Variants in RPRD1B observed in about 807,000 individuals in gnomAD.
RPRD1B encodes regulation of nuclear pre-mRNA domain containing 1B.
In RPRD1B, 11 loss-of-function variants were observed where a neutral mutation model predicts 41.5. That is an observed-to-expected ratio of 0.27 (90% CI 0.17 to 0.44). RPRD1B has a LOEUF of 0.44. RPRD1B is among the 20% of genes least tolerant of loss of function. RPRD1B has a pLI of 1.00. For missense variants in RPRD1B, 248 were observed against 389.9 expected (o/e 0.64, Z 3.06); for synonymous variants, 158 against 155.6 (o/e 1.02, Z -0.12).
At chr20:38,038,699 T>C (rs1472892448) in intron 1 of RPRD1B, among the ~76,000 whole-genome samples, 1 of 152,146 alleles carries the variant, frequency 6.6e-6, no homozygotes, top group African/African-American at 2.4e-5. Context: ...GGTTTCACCA[T>C]GTTAGCCAGG....
chr20:38,071,966 G>A (rs1281986837), intron 6 of RPRD1B, among the ~76,000 whole-genome samples: 1 of 151,926 alleles, frequency 6.6e-6, no homozygotes, highest in Non-Finnish European at 1.5e-5. Flanking sequence ...CCTATAAGTT[G>A]TCTTTTCACT....
chr20:38,082,092 CCTT>C (rs956664234), intron 6 of RPRD1B, among the ~76,000 whole-genome samples: 23 of 152,282 alleles, frequency 1.5e-4, no homozygotes, highest in African/African-American at 5.1e-4. Context: ...AGGACTCCCT[CCTT>C]CTTGATTTTT....
At chr20:38,036,598 G>A (rs1275215502) in intron 1 of RPRD1B, among the ~76,000 whole-genome samples, 1 of 152,180 alleles carries the variant, frequency 6.6e-6, no homozygotes, top group African/African-American at 2.4e-5. Context: ...TTTAAAAATA[G>A]GAATTAAATC....
At chr20:38,039,344 T>A (rs2074038838) in intron 1 of RPRD1B, among the ~76,000 whole-genome samples, 1 of 152,226 alleles carries the variant, frequency 6.6e-6, no homozygotes, top group Admixed American at 6.5e-5. Flanking sequence ...TCTTCTATAT[T>A]ATTGATTATG....
At chr20:38,071,542 G>GT (rs1163793202) in intron 6 of RPRD1B, among the ~76,000 whole-genome samples, 3 of 152,236 alleles carry the variant, frequency 2.0e-5, no homozygotes, top group African/African-American at 7.2e-5. Flanking sequence ...ATTTCTCTTG[G>GT]TTATGTATAA....
chr20:38,034,369 T>G (rs1489834697), intron 1 of RPRD1B, among the ~76,000 whole-genome samples: 1 of 152,170 alleles, frequency 6.6e-6, no homozygotes, highest in African/African-American at 2.4e-5. Flanking sequence ...CCCCTGACAT[T>G]TGTGGCTGTT....
intron 6 of RPRD1B, among the ~76,000 whole-genome samples, chr20:38,084,316 G>A (rs978201989): frequency 6.6e-6 from 1 of 152,086 alleles, no homozygotes; most frequent in Admixed American, 6.5e-5. Flanking sequence ...CTCTTAATTG[G>A]GGGTAGCCGA....
At chr20:38,085,753 C>T (rs2074555152) in intron 6 of RPRD1B, 1 of 152,774 alleles carries the variant, frequency 6.5e-6, no homozygotes, top group South Asian at 2.1e-4. Flanking sequence ...GTCTGCAAGA[C>T]CCAACTGAGA....
At chr20:38,075,905 T>C (rs1319566772) in intron 6 of RPRD1B, among the ~76,000 whole-genome samples, 1 of 152,234 alleles carries the variant, frequency 6.6e-6, no homozygotes, top group Non-Finnish European at 1.5e-5. Context: ...AGGTCCTTTA[T>C]CTTTAAACAT....
chr20:38,040,424 C>CT lies in RPRD1B; in HGVS notation c.152-4dup. On this transcript the variant is annotated splice_polypyrimidine_tract_variant and intron_variant, in intron 1 of 6. Coordinates refer to ENST00000373433, the MANE Select transcript of RPRD1B (RefSeq NM_021215.4). ...GGTGTAAGTTAAATTCTTTTCTTTT[C>CT]TTTTTTTCAGCCAAATCAAATAGAA... The CT allele has an allele frequency of 1.3e-6, 2 of 1,572,360 alleles. No homozygotes were observed. Among genetic ancestry groups the CT allele is most frequent in the East Asian group, 2.3e-5 (1 of 44,118 alleles).
intron 6 of RPRD1B, chr20:38,083,972 G>A (rs2074538006): frequency 6.6e-6 from 1 of 152,098 alleles, no homozygotes; most frequent in Non-Finnish European, 1.5e-5. Context: ...GATCTTTGAA[G>A]AAAATTTTAA....
chr20:38,047,181 T>G (rs938619152), intron 2 of RPRD1B, among the ~76,000 whole-genome samples: 1 of 152,156 alleles, frequency 6.6e-6, no homozygotes, highest in Non-Finnish European at 1.5e-5. Flanking sequence ...AGTAGAAATG[T>G]TTTTCCTTTT....
At chr20:38,047,556 A>C (rs966269424) in intron 2 of RPRD1B, among the ~76,000 whole-genome samples, 1 of 152,138 alleles carries the variant, frequency 6.6e-6, no homozygotes, top group African/African-American at 2.4e-5. Context: ...GTAACAGTGC[A>C]TGGTGACTGA....
intron 6 of RPRD1B, among the ~76,000 whole-genome samples, chr20:38,076,449 T>G (rs1772348629): frequency 6.6e-6 from 1 of 152,246 alleles, no homozygotes; most frequent in African/African-American, 2.4e-5. Context: ...GTAAACTAGC[T>G]GAAGGTCCTC....
At chr20:38,049,413 T>C (rs577963613) in intron 3 of RPRD1B, among the ~76,000 whole-genome samples, 1 of 131,164 alleles carries the variant, frequency 7.6e-6, no homozygotes. Context: ...CTTTGTTACC[T>C]GGGCTGGAGT....
At chr20:38,038,490 G>GTTTTTTTTTTTTTTTTTTTT (rs150397040) in intron 1 of RPRD1B, among the ~76,000 whole-genome samples, 4 of 76,786 alleles carry the variant, frequency 5.2e-5, no homozygotes, top group East Asian at 3.7e-4. Flanking sequence ...TTTTTGTTTT[G>GTTTTTTTTTTTTTTTTTTTT]TTTTTTTTTT....
At chr20:38,055,428 C>A (rs2074229709) in intron 3 of RPRD1B, among the ~76,000 whole-genome samples, 1 of 144,688 alleles carries the variant, frequency 6.9e-6, no homozygotes. Context: ...TGTAAAATAC[C>A]TCTCAGTTTC....
Position 38,080,675 on chromosome 20 carries a change from G to A in RPRD1B, c.832-9051G>A, listed in dbSNP as rs543897671. Among the ~76,000 whole-genome samples, 17 of 152,252 alleles carry A rather than the reference G, an allele frequency of 1.1e-4. No homozygotes were observed. The East Asian group carries it at 1.5e-3, about 14-fold the overall frequency. On this transcript the variant is annotated intron_variant, in intron 6 of 6. Coordinates refer to ENST00000373433, the MANE Select transcript of RPRD1B (RefSeq NM_021215.4). ...CGGGTAGCTGGGATTATAGGCATGC[G>A]TCACCACGCCTGGCTTATTTTGTAT...
intron 5 of RPRD1B, among the ~76,000 whole-genome samples, chr20:38,061,855 C>T (rs2074300752): frequency 6.6e-6 from 1 of 152,144 alleles, no homozygotes; most frequent in Non-Finnish European, 1.5e-5. Context: ...GGAATAATGC[C>T]TCCTGACCCC....
Sources: gnomAD v4.1 joint callset for allele counts (sites outside exome capture counted in the v4.1 genomes callset) on GRCh38, gnomAD v4.1.1 for gene constraint, MANE v1.5 for transcripts, NCBI Gene and HGNC (gene_info 2026-07-23, HGNC 2026-07-21) for gene names.